GRIK4: variants seen among roughly 807,000 people sequenced by gnomAD.
GRIK4 encodes glutamate receptor ionotropic, kainate 4.
A neutral mutation model predicts 104.9 loss-of-function variants in GRIK4; 40 were observed. The observed-to-expected ratio is 0.38, with a 90% CI of 0.30 to 0.50. The LOEUF is 0.50. Among genes scored for constraint, GRIK4 ranks in the 20% least tolerant of loss-of-function variants. The pLI, the probability that GRIK4 is intolerant of heterozygous loss-of-function variation, is 0.93. For synonymous variants in GRIK4, 485 were observed against 524.9 expected (o/e 0.92, Z 1.04); for missense variants, 1,047 against 1,308.1 (o/e 0.80, Z 3.08).
chr11:120,874,962 T>C (rs1216208359), intron 10 of GRIK4, among the ~76,000 whole-genome samples, 177 bp from the exon 11 acceptor site: 1 of 152,182 alleles, frequency 6.6e-6, no homozygotes, highest in Non-Finnish European at 1.5e-5. Context: ...CTGAATTGTC[T>C]CCACAGACAT....
intron 16 of GRIK4, among the ~76,000 whole-genome samples, chr11:120,957,244 A>T (rs112951901): frequency 1.3e-5 from 2 of 152,258 alleles, no homozygotes; most frequent in African/African-American, 4.8e-5. Flanking sequence ...CAGCAAAGCA[A>T]TGGTAACTTC....
chr11:120,529,202 C>T (rs1281436355), intron 1 of GRIK4, among the ~76,000 whole-genome samples: 2 of 152,030 alleles, frequency 1.3e-5, no homozygotes, highest in African/African-American at 2.4e-5. Flanking sequence ...TGCATTGTAA[C>T]CTACAACTTA....
intron 6 of GRIK4, among the ~76,000 whole-genome samples, chr11:120,830,080 T>C (rs1477545794): frequency 3.3e-5 from 5 of 151,958 alleles, no homozygotes; most frequent in African/African-American, 9.7e-5. Context: ...CTAGAAAGCC[T>C]TCTCAAAACA....
rs982488059 is a variant in GRIK4, at chr11:120,953,594, G to A, written c.1700+630G>A. On this transcript the variant is annotated intron_variant, in intron 15 of 20. Transcript: ENST00000527524. The surrounding 1 kb of genome is among the most constrained non-coding windows in gnomAD (Gnocchi z 4.9). ...TTTTCAAGAAGTGCTGAGTTGAGAC[G>A]CACGGGCCAGACCAGGGAGGGGGGA... is the stretch of plus-strand genomic sequence containing the variant. 6.6e-6 allele frequency among the ~76,000 whole-genome samples: 1 copy of A among 152,134 alleles called. No homozygotes were observed. The highest frequency in any genetic ancestry group is 1.5e-5 in the Non-Finnish European group (1 of 68,022).
intron 18 of GRIK4, among the ~76,000 whole-genome samples, chr11:120,964,479 A>G (rs1027552843): frequency 6.6e-6 from 1 of 152,194 alleles, no homozygotes; most frequent in African/African-American, 2.4e-5. Context: ...GTGTCCACTA[A>G]TAATACAGAT....
intron 3 of GRIK4, among the ~76,000 whole-genome samples, chr11:120,680,126 G>A (rs1950165271): frequency 6.6e-6 from 1 of 152,150 alleles, no homozygotes; most frequent in Admixed American, 6.5e-5. Flanking sequence ...CACCCAGGCT[G>A]GAGTGCAGTG....
At chr11:120,763,537 G>C (rs1379883142) in intron 3 of GRIK4, among the ~76,000 whole-genome samples, 1 of 151,864 alleles carries the variant, frequency 6.6e-6, no homozygotes, top group Non-Finnish European at 1.5e-5. Flanking sequence ...GTGATGTTAG[G>C]GTGTCAATTT....
At chr11:120,518,782 C>T (rs745788711) in intron 1 of GRIK4, among the ~76,000 whole-genome samples, 2 of 152,114 alleles carry the variant, frequency 1.3e-5, no homozygotes, top group Non-Finnish European at 2.9e-5. Flanking sequence ...CCACCCCCGG[C>T]TAATTTTTTT....
intron 8 of GRIK4, chr11:120,859,501 A>G (rs1954204014): frequency 6.6e-6 from 1 of 152,272 alleles, no homozygotes; most frequent in Non-Finnish European, 1.5e-5. Context: ...GCCTTCATCC[A>G]TCGGGCTCTG....
intron 3 of GRIK4, among the ~76,000 whole-genome samples, chr11:120,749,685 G>T (rs915810843): frequency 6.6e-6 from 1 of 152,154 alleles, no homozygotes; most frequent in Admixed American, 6.5e-5. Context: ...GGTAAATAAT[G>T]CCAGCGCTGC....
intron 9 of GRIK4, chr11:120,873,779 A>G: frequency 3.6e-6 from 1 of 276,568 alleles, no homozygotes; most frequent in East Asian, 6.6e-5. Context: ...GAGCAGAGAG[A>G]AAAGGGTACA....
intron 3 of GRIK4, among the ~76,000 whole-genome samples, chr11:120,683,742 A>G (rs1950233338): frequency 6.6e-6 from 1 of 152,200 alleles, no homozygotes; most frequent in African/African-American, 2.4e-5. Context: ...ACCAGCCAAG[A>G]CATTGTAACT....
At chr11:120,554,075 C>T (rs1224258907) in intron 1 of GRIK4, among the ~76,000 whole-genome samples, 1 of 151,970 alleles carries the variant, frequency 6.6e-6, no homozygotes, top group East Asian at 1.9e-4. Context: ...CTCACACCCC[C>T]ACCCACTCAC....
intron 1 of GRIK4, among the ~76,000 whole-genome samples, chr11:120,568,814 G>A (rs988000757): frequency 6.6e-6 from 1 of 152,112 alleles, no homozygotes; most frequent in Non-Finnish European, 1.5e-5. Context: ...AGTAATTAAC[G>A]TGTCCCTTTT....
intron 13 of GRIK4, among the ~76,000 whole-genome samples, chr11:120,910,691 T>C (rs938601566): frequency 6.6e-6 from 1 of 152,220 alleles, no homozygotes; most frequent in African/African-American, 2.4e-5. Flanking sequence ...TTGGTGAAAC[T>C]GTTCAAGGCA....
At chr11:120,542,084 A>C (rs1948043493) in intron 1 of GRIK4, among the ~76,000 whole-genome samples, 2 of 152,250 alleles carry the variant, frequency 1.3e-5, no homozygotes, top group African/African-American at 4.8e-5. Flanking sequence ...TAATTAAAAC[A>C]ATATGGTACT....
intron 7 of GRIK4, 104 bp downstream of exon 7, chr11:120,832,134 C>A (rs913389101): frequency 1.7e-5 from 12 of 709,464 alleles, no homozygotes; most frequent in Non-Finnish European, 2.8e-5. Flanking sequence ...CCGGGCTGGA[C>A]CTGAACTCTT....
chr11:120,667,603 C>T (rs1330405836), intron 3 of GRIK4, among the ~76,000 whole-genome samples: 5 of 152,214 alleles, frequency 3.3e-5, no homozygotes, highest in South Asian at 4.1e-4. Flanking sequence ...GGCTGGGGCT[C>T]GGCTCGGTGG....
chr11:120,874,857 C>T (rs1954734408), intron 10 of GRIK4, among the ~76,000 whole-genome samples: 1 of 152,182 alleles, frequency 6.6e-6, no homozygotes, highest in Non-Finnish European at 1.5e-5. Flanking sequence ...TGAGGGGAAT[C>T]TGAGCTCAAG....
Sources: allele counts gnomAD v4.1 joint callset (sites outside exome capture counted in the v4.1 genomes callset), GRCh38; gene constraint gnomAD v4.1.1; non-coding constraint Gnocchi (gnomAD v3.1); transcripts MANE v1.5; gene names NCBI Gene and HGNC (gene_info 2026-07-23, HGNC 2026-07-21).